Variants in DNAAF5 observed in about 807,000 individuals in gnomAD.
The protein encoded by DNAAF5 is dynein axonemal assembly factor 5.
Under a neutral mutation model 75.8 loss-of-function variants are expected in DNAAF5, and 64 were observed. The observed-to-expected ratio is 0.84, with a 90% confidence interval of 0.69 to 1.04. DNAAF5 has a LOEUF of 1.04. Ranked by LOEUF, DNAAF5 falls within the 50% of genes least tolerant of loss-of-function variation. The pLI is 0.00. For missense variants in DNAAF5, 1,269 were observed against 1,178.5 expected (o/e 1.08, Z -1.12); for synonymous variants, 657 against 557.2 (o/e 1.18, Z -2.52).
At chr7:728,066 T>C (rs915513546) in intron 1 of DNAAF5, among the ~76,000 whole-genome samples, 1 of 152,148 alleles carries the variant, frequency 6.6e-6, no homozygotes, top group African/African-American at 2.4e-5. Flanking sequence ...CTTGGACCAC[T>C]GTCCTAAGTG....
At position 785,751 on chromosome 7, in the gene DNAAF5, A is replaced by G; in HGVS notation, c.*98A>G. ...ACAAGGCACCTCTGTGCCAGCAGTGAGACTGTGACAGCAAGAATGTACTCC... is the reference window on the plus strand; with the variant it reads ...ACAAGGCACCTCTGTGCCAGCAGTGGGACTGTGACAGCAAGAATGTACTCC... On this transcript the variant is annotated 3_prime_UTR_variant, in exon 13 of 13. Transcript: ENST00000297440. The G allele has an allele frequency of 1.4e-6, 2 of 1,389,582 alleles. No homozygotes were observed. The highest frequency in any genetic ancestry group is 2.0e-6 in the Non-Finnish European group (2 of 1,024,746). The allele number at this position is 1,389,582 out of a possible 1,614,324, so 86.1% of individuals were successfully genotyped here.
chr7:773,998 TC>T, intron 9 of DNAAF5, 49 bp from the exon 10 acceptor site: 1 of 1,610,826 alleles, frequency 6.2e-7, no homozygotes, highest in South Asian at 1.1e-5. Flanking sequence ...AAACGTTTCT[TC>T]CGAGCACCTG....
chr7:729,914 T>A, intron 2 of DNAAF5, 67 bp downstream of exon 2: 1 of 1,474,090 alleles, frequency 6.8e-7, no homozygotes. Flanking sequence ...GTGCTGTTTT[T>A]AACTAACTCA....
intron 12 of DNAAF5, 117 bp downstream of exon 12, chr7:780,261 G>A (rs1778892784): frequency 2.2e-6 from 2 of 903,116 alleles, no homozygotes; most frequent in Non-Finnish European, 3.4e-6. Flanking sequence ...AGGGGCCTCA[G>A]CTCCGGCCTG....
intron 8 of DNAAF5, among the ~76,000 whole-genome samples, chr7:764,442 G>A (rs979823290): frequency 1.3e-5 from 2 of 152,200 alleles, no homozygotes; most frequent in African/African-American, 4.8e-5. Flanking sequence ...TCAGCGCGGG[G>A]CAAGATCCAC....
rs1554256445 is a variant in DNAAF5 at position 780,152 on chromosome 7, T to TCCG, written c.2431+9_2431+11dup. 1 of 1,612,108 alleles carries TCCG rather than the reference T, an allele frequency of 6.2e-7. No homozygotes were observed. On this transcript the variant is annotated intron_variant, in intron 12 of 12. Coordinates refer to ENST00000297440, the MANE Select transcript of DNAAF5 (RefSeq NM_017802.4). Reference sequence around the variant, plus strand: ...TCCAGGATGCAATTTTAGGTGAGACTCCGACGGCTTGGCCTTCGTTCCGAT... The same window carrying TCCG: ...TCCAGGATGCAATTTTAGGTGAGACTCCGCCGACGGCTTGGCCTTCGTTCCGAT...
At chr7:735,776 A>G (rs984382142) in intron 2 of DNAAF5, among the ~76,000 whole-genome samples, 5 of 151,382 alleles carry the variant, frequency 3.3e-5, no homozygotes, top group African/African-American at 1.2e-4. Flanking sequence ...TTTAATTTCA[A>G]TTTCATTTAT....
At chr7:753,526 G>A (rs548326491) in intron 4 of DNAAF5, among the ~76,000 whole-genome samples, 2 of 152,342 alleles carry the variant, frequency 1.3e-5, no homozygotes, top group South Asian at 2.1e-4. Context: ...CGATGGCTTC[G>A]CAGCCGTGTC....
At chr7:757,564 CAG>C (rs1782527474) in intron 6 of DNAAF5, among the ~76,000 whole-genome samples, 1 of 152,264 alleles carries the variant, frequency 6.6e-6, no homozygotes, top group African/African-American at 2.4e-5. Flanking sequence ...GAGGATTTGC[CAG>C]AGACATTTGT....
In DNAAF5 at chr7:783,242, G is replaced by A. The variant is rs114233779; in HGVS notation, c.2432-2275G>A. On this transcript the variant is annotated intron_variant, in intron 12 of 12. Transcript: ENST00000297440. ...CCTGGGAAAAGCAGCTCTGCTGCAC[G>A]ACCCTGGTCCTCCGTGTGAAGCGGT... 4.5e-3 allele frequency among the ~76,000 whole-genome samples: 689 copies of A among 152,376 alleles called. 3 individuals are homozygous for A. Among genetic ancestry groups the A allele is most frequent in the African/African-American group, 0.016 (650 of 41,600 alleles).
intron 8 of DNAAF5, among the ~76,000 whole-genome samples, chr7:766,449 A>G (rs1282591831): frequency 2.0e-5 from 3 of 152,262 alleles, no homozygotes; most frequent in African/African-American, 4.8e-5. Flanking sequence ...TATTTTAAAC[A>G]TACAGAAAGG....
chr7:770,672 T>C, intron 9 of DNAAF5, 54 bp downstream of exon 9: 1 of 1,550,262 alleles, frequency 6.5e-7, no homozygotes, highest in Non-Finnish European at 8.8e-7. Flanking sequence ...GGGCCAGGGG[T>C]CCCCATCTCC....
chr7:768,005 C>T lies in DNAAF5; in HGVS notation c.1784-2466C>T, dbSNP rs371924800. 1.3e-4 allele frequency among the ~76,000 whole-genome samples: 19 copies of T among 149,346 alleles called. No homozygotes were observed. The East Asian group carries it at 1.6e-3, about 12-fold the overall frequency. On this transcript the variant is annotated intron_variant, in intron 8 of 12. Transcript: ENST00000297440. ...TTGGAAGGTAGACACGTGGCCCGGG[C>T]GGAAGTGTCCTTGCAGCGAGCAGGA...
intron 12 of DNAAF5, among the ~76,000 whole-genome samples, chr7:783,103 TGTCG>T (rs1390622866): frequency 1.3e-5 from 2 of 152,262 alleles, no homozygotes; most frequent in Non-Finnish European, 2.9e-5. Context: ...CCACAAACCC[TGTCG>T]GTTGTTCTGG....
At chr7:728,661 G>A (rs115289978) in intron 1 of DNAAF5, among the ~76,000 whole-genome samples, 141 of 152,268 alleles carry the variant, frequency 9.3e-4, no homozygotes, top group African/African-American at 3.3e-3. Flanking sequence ...TCAGCCCCAC[G>A]AGCTCCCTCC....
chr7:747,175 T>C (rs1049148414), intron 4 of DNAAF5, among the ~76,000 whole-genome samples: 1 of 152,232 alleles, frequency 6.6e-6, no homozygotes, highest in African/African-American at 2.4e-5. Context: ...CAGTCCTTAC[T>C]TTGTTAGAAA....
At chr7:755,122 G>A (rs1463125587) in intron 5 of DNAAF5, among the ~76,000 whole-genome samples, 1 of 152,190 alleles carries the variant, frequency 6.6e-6, no homozygotes, top group African/African-American at 2.4e-5. Context: ...GACAGACAGG[G>A]CCCGGGCTGC....
chr7:726,898 C>A lies in DNAAF5; in HGVS notation c.178C>A (p.Pro60Thr). 7.4e-7 allele frequency: 1 copy of A among 1,344,392 alleles called. No individual in the cohort carries two copies. The highest frequency in any genetic ancestry group is 9.5e-7 in the Non-Finnish European group (1 of 1,047,664). 83.3% of individuals were successfully genotyped at this position (1,344,392 alleles called of 1,614,324 possible). The change falls in exon 1 of 13, where the codon CCA becomes ACA. Residue 60 changes from proline to threonine, a missense_variant. Transcript: ENST00000297440. ...GGCCCTGCGGCGCGCGCTGGAGGAG[C>A]CAGGCCCTGCCGCCGACCCCACCGC... is the stretch of plus-strand genomic sequence containing the variant. ...LEALRRALEE[P>T]GPAADPTAFQ...
chr7:756,238 A>C (rs1219720876), intron 5 of DNAAF5, among the ~76,000 whole-genome samples: 1 of 103,976 alleles, frequency 9.6e-6, no homozygotes, highest in African/African-American at 3.8e-5. Context: ...TGTGGTGTCC[A>C]CTGTGGAATC....
Sources: gnomAD v4.1 joint callset for allele counts (sites outside exome capture counted in the v4.1 genomes callset) on GRCh38, gnomAD v4.1.1 for gene constraint, MANE v1.5 for transcripts, NCBI Gene and HGNC (gene_info 2026-07-23, HGNC 2026-07-21) for gene names.